RPS6KA3: variants seen among roughly 807,000 people sequenced by gnomAD.
RPS6KA3 encodes ribosomal protein S6 kinase A3.
A neutral mutation model predicts 67.2 loss-of-function variants in RPS6KA3; 4 were observed. That is an observed-to-expected ratio of 0.06 (90% CI 0.03 to 0.14). The LOEUF is 0.14. Ranked by LOEUF, RPS6KA3 falls within the 10% of genes least tolerant of loss-of-function variation. The pLI is 1.00. For synonymous variants in RPS6KA3, 182 were observed against 183.7 expected (o/e 0.99, Z 0.07); for missense variants, 204 against 559.0 (o/e 0.36, Z 6.40).
chrX:20,163,085 T>C (rs371564012), intron 18 of RPS6KA3, 45 bp from the exon 19 acceptor site: 15 of 815,991 alleles, frequency 1.8e-5, no homozygotes, highest in African/African-American at 1.2e-4. Flanking sequence ...CCATTTTGTA[T>C]ATATATTTGT....
intron 1 of RPS6KA3, 64 bp downstream of exon 1, chrX:20,266,500 C>T: frequency 3.2e-6 from 3 of 949,958 alleles, no homozygotes; most frequent in Middle Eastern, 3.2e-4. Context: ...CTCCGGGGAG[C>T]GAAGCGAGCC....
intron 2 of RPS6KA3, among the ~76,000 whole-genome samples, chrX:20,232,689 T>C (rs184937787): frequency 8.9e-6 from 1 of 112,172 alleles, no homozygotes; most frequent in East Asian, 2.8e-4. Flanking sequence ...ATAATAGACA[T>C]GGAGTTAATA....
chrX:20,223,035 T>C (rs759924231), intron 2 of RPS6KA3, among the ~76,000 whole-genome samples: 8 of 112,030 alleles, frequency 7.1e-5, no homozygotes, highest in Non-Finnish European at 1.5e-4. Context: ...TGTAATGTCT[T>C]TTTATCTATT....
At chrX:20,265,293 T>G (rs2070343472) in intron 1 of RPS6KA3, among the ~76,000 whole-genome samples, 2 of 111,651 alleles carry the variant, frequency 1.8e-5, no homozygotes, top group South Asian at 7.4e-4. Context: ...TCCCCCGCCC[T>G]CTCCATTATA....
Position 20,177,010 on chromosome X carries a change from G to A in RPS6KA3, c.920C>T (p.Pro307Leu). The A allele has an allele frequency of 8.3e-7, 1 of 1,201,503 alleles. No individual in the cohort carries two copies. Among genetic ancestry groups the A allele is most frequent in the Non-Finnish European group, 1.1e-6 (1 of 886,079 alleles). ...SLLRMLFKRN[P>L]ANRLGAGPDG... ...AAAATTTTTACCTAATCTGTTTGCAGGATTTCGCTTGAAAAGCATTCGTAA... is the reference window on the plus strand; with the variant it reads ...AAAATTTTTACCTAATCTGTTTGCAAGATTTCGCTTGAAAAGCATTCGTAA... The change falls in exon 11 of 22, where the codon CCT (proline) becomes CTT (leucine). Residue 307 changes from proline (P) to leucine (L), a missense_variant. Transcript: ENST00000379565.
intron 1 of RPS6KA3, among the ~76,000 whole-genome samples, chrX:20,259,272 A>G (rs1329759895): frequency 1.8e-5 from 2 of 111,694 alleles, no homozygotes; most frequent in Non-Finnish European, 3.8e-5. Flanking sequence ...ACAGTGGCAT[A>G]AAGTGGCATA....
intron 10 of RPS6KA3, among the ~76,000 whole-genome samples, chrX:20,179,885 G>A (rs1432814790): frequency 9.1e-6 from 1 of 110,253 alleles, no homozygotes; most frequent in Non-Finnish European, 1.9e-5. Context: ...GAGCCCAGGA[G>A]TTTGAGACCT....
intron 1 of RPS6KA3, among the ~76,000 whole-genome samples, chrX:20,256,934 C>T (rs2070087371): frequency 1.8e-5 from 2 of 112,004 alleles, no homozygotes; most frequent in African/African-American, 6.5e-5. Flanking sequence ...TCCCCTGTAG[C>T]AGATTTCATT....
chrX:20,224,540 T>C (rs916214967), intron 2 of RPS6KA3, among the ~76,000 whole-genome samples: 2 of 111,757 alleles, frequency 1.8e-5, no homozygotes, highest in East Asian at 2.8e-4. Flanking sequence ...TGTGTGTGGA[T>C]CATTCCTTTT....
intron 17 of RPS6KA3, among the ~76,000 whole-genome samples, chrX:20,166,633 GCTCCTCTGCTTCA>G (rs1192438571): frequency 1.9e-5 from 2 of 107,525 alleles, no homozygotes; most frequent in African/African-American, 6.8e-5. Context: ...CTTGCTTTCT[GCTCCTCTGCTTCA>G]CTCCTCTGCT....
intron 16 of RPS6KA3, 143 bp from the exon 17 acceptor site, chrX:20,167,890 C>T (rs2067480175): frequency 4.3e-6 from 2 of 470,011 alleles, no homozygotes; most frequent in East Asian, 3.8e-5. Flanking sequence ...CAGACTCTGT[C>T]GCCCAGGAGT....
intron 1 of RPS6KA3, among the ~76,000 whole-genome samples, chrX:20,254,364 T>C (rs2069975117): frequency 8.9e-6 from 1 of 112,177 alleles, no homozygotes; most frequent in Non-Finnish European, 1.9e-5. Context: ...CAATCTTTGT[T>C]TTCTTTCTGT....
intron 4 of RPS6KA3, among the ~76,000 whole-genome samples, chrX:20,201,898 T>A (rs2068443177): frequency 9.0e-6 from 1 of 110,660 alleles, no homozygotes; most frequent in East Asian, 2.8e-4. Context: ...TTCCTAGATG[T>A]GTTAAGTTGT....
At chrX:20,184,737 A>T (rs1024739851) in intron 10 of RPS6KA3, among the ~76,000 whole-genome samples, 2 of 111,295 alleles carry the variant, frequency 1.8e-5, no homozygotes, top group African/African-American at 6.5e-5. Flanking sequence ...TCTAGTGGAT[A>T]ACACTGATCT....
At chrX:20,195,216 G>T (rs2068241996) in intron 4 of RPS6KA3, 71 bp from the exon 5 acceptor site, 11 of 692,625 alleles carry the variant, frequency 1.6e-5, no homozygotes, top group Non-Finnish European at 2.3e-5. Context: ...ATTCTTTTTG[G>T]TGCCCATGTT....
In RPS6KA3 at chrX:20,156,035, G is replaced by A. The variant is rs2067180206; in HGVS notation, c.2100+74C>T. 6 of 1,048,999 alleles carry A rather than the reference G, an allele frequency of 5.7e-6. No individual in the cohort carries two copies. The African/African-American group carries it at 1.1e-4, about 19-fold the overall frequency. 86.4% of individuals were successfully genotyped at this position (1,048,999 alleles called of 1,213,427 possible). A position where few individuals can be genotyped will look rare whatever the true frequency, so the allele number is the denominator to read the frequency against. Reference sequence around the variant, plus strand: ...TGCAGGATGAAAGAGAAAGGTGCTGGGGGCATGGACAGGGCTTCTTGAAGT... The same window carrying A: ...TGCAGGATGAAAGAGAAAGGTGCTGAGGGCATGGACAGGGCTTCTTGAAGT... On this transcript the variant is annotated intron_variant, in intron 21 of 21. Coordinates refer to ENST00000379565, the MANE Select transcript of RPS6KA3 (RefSeq NM_004586.3).
Position 20,153,044 on chromosome X carries a change from T to A in RPS6KA3, c.*2354A>T, listed in dbSNP as rs1043704026. 3 of 112,041 alleles carry A rather than the reference T, an allele frequency of 2.7e-5. No individual in the cohort carries two copies. The East Asian group carries it at 8.3e-4, about 31-fold the overall frequency. 9.2% of individuals were successfully genotyped at this position (112,041 alleles called of 1,213,427 possible). A position where few individuals can be genotyped will look rare whatever the true frequency, so the allele number is the denominator to read the frequency against. On this transcript the variant is annotated 3_prime_UTR_variant, in exon 22 of 22. Coordinates refer to ENST00000379565, the MANE Select transcript of RPS6KA3 (RefSeq NM_004586.3). Reference sequence around the variant, plus strand: ...TGAGAAAGTTGGATTGGGTAATTTATAAGGATTTATGTGTTTACTTCTAGT... The same window carrying A: ...TGAGAAAGTTGGATTGGGTAATTTAAAAGGATTTATGTGTTTACTTCTAGT...
intron 1 of RPS6KA3, among the ~76,000 whole-genome samples, chrX:20,244,798 C>T (rs190032252): frequency 3.4e-3 from 379 of 111,996 alleles, no homozygotes; most frequent in African/African-American, 0.012. Context: ...TTCTTCAGCA[C>T]ATGTTCTGAA....
chrX:20,247,130 G>A lies in RPS6KA3; in HGVS notation c.70-12316C>T, dbSNP rs532767935. Among the ~76,000 whole-genome samples the A allele has an allele frequency of 6.0e-4, 67 of 112,389 alleles. No individual in the cohort carries two copies. In the South Asian group the frequency reaches 0.024, roughly 40 times the overall value. ...CATATTTATTAAGCATAAATAAAGA[G>A]TATTAATAGGAATGCTTTACTAGGC... On this transcript the variant is annotated intron_variant, in intron 1 of 21. Transcript: ENST00000379565.
Sources: gnomAD v4.1 joint callset for allele counts (sites outside exome capture counted in the v4.1 genomes callset) on GRCh38, gnomAD v4.1.1 for gene constraint, MANE v1.5 for transcripts, NCBI Gene and HGNC (gene_info 2026-07-23, HGNC 2026-07-21) for gene names.